MAF: variants seen among roughly 807,000 people sequenced by gnomAD.
MAF encodes transcription factor Maf.
A neutral mutation model predicts 22.0 loss-of-function variants in MAF; 10 were observed. That is an observed-to-expected ratio of 0.45 (90% confidence interval 0.28 to 0.77). The LOEUF is 0.77. Among genes scored for constraint, MAF ranks in the 30% least tolerant of loss-of-function variants. The probability of loss-of-function intolerance (pLI) is 0.12; values close to 1 mark genes in which losing one functional copy is unlikely to be tolerated. For missense variants in MAF, 544 were observed against 548.4 expected (o/e 0.99, Z 0.08); for synonymous variants, 337 against 255.8 (o/e 1.32, Z -3.03).
chr16:79,401,566 G>C, the MAF span, among the ~76,000 whole-genome samples: 2 of 151,908 alleles, frequency 1.3e-5, no homozygotes, highest in African/African-American at 4.8e-5. Flanking sequence ...AGCCAGTCTG[G>C]GACATTAAAT....
the MAF span, among the ~76,000 whole-genome samples, chr16:79,331,545 C>T: frequency 6.6e-6 from 1 of 152,168 alleles, no homozygotes; most frequent in Non-Finnish European, 1.5e-5. Context: ...CCAAGACATC[C>T]ACCGCTCTTC....
chr16:79,229,986 G>C, the MAF span, among the ~76,000 whole-genome samples: 4 of 150,264 alleles, frequency 2.7e-5, no homozygotes, highest in Non-Finnish European at 5.9e-5. Flanking sequence ...TCAATTTGCA[G>C]GATAGTTGCT....
At chr16:79,230,283 G>C in the MAF span, among the ~76,000 whole-genome samples, 3 of 152,110 alleles carry the variant, frequency 2.0e-5, no homozygotes, top group Non-Finnish European at 4.4e-5. Flanking sequence ...ACCCGGCTAA[G>C]GCAGGCTGCT....
chr16:79,545,995 C>T, the MAF span, among the ~76,000 whole-genome samples: 2 of 151,888 alleles, frequency 1.3e-5, no homozygotes, highest in African/African-American at 2.4e-5. Flanking sequence ...TGTAAACATA[C>T]TTTAAAACAT....
At chr16:79,244,431 CAGAG>C in the MAF span, among the ~76,000 whole-genome samples, 1 of 151,974 alleles carries the variant, frequency 6.6e-6, no homozygotes, top group African/African-American at 2.4e-5. Flanking sequence ...AATAGACAAA[CAGAG>C]AGCCAAATCA....
the MAF span, among the ~76,000 whole-genome samples, chr16:79,479,257 T>C: frequency 1.9e-3 from 287 of 152,368 alleles, 2 homozygotes; most frequent in South Asian, 3.3e-3. Flanking sequence ...CATACCTTTG[T>C]ACCATCATAC....
At chr16:79,558,550 C>T in the MAF span, among the ~76,000 whole-genome samples, 1 of 152,154 alleles carries the variant, frequency 6.6e-6, no homozygotes, top group African/African-American at 2.4e-5. Context: ...GGAAGATTGG[C>T]ATCAGACTTT....
At chr16:79,417,900 G>C in the MAF span, among the ~76,000 whole-genome samples, 6 of 152,130 alleles carry the variant, frequency 3.9e-5, no homozygotes, top group Non-Finnish European at 5.9e-5. Flanking sequence ...GCCTGGAAAT[G>C]GGAATTCTTA....
chr16:79,227,138 G>A, the MAF span, among the ~76,000 whole-genome samples: 14 of 152,202 alleles, frequency 9.2e-5, no homozygotes. Context: ...AGGAGTTTGA[G>A]ATGAGCCTGG....
chr16:79,409,507 C>T, the MAF span, among the ~76,000 whole-genome samples: 1 of 152,204 alleles, frequency 6.6e-6, no homozygotes, highest in Non-Finnish European at 1.5e-5. Flanking sequence ...CCAGCATTTC[C>T]CATGACAGGA....
the MAF span, among the ~76,000 whole-genome samples, chr16:79,336,302 G>A: frequency 6.6e-6 from 1 of 152,218 alleles, no homozygotes; most frequent in Non-Finnish European, 1.5e-5. Flanking sequence ...AGGGAATACT[G>A]TTATGATCAT....
chr16:79,251,708 A>G, the MAF span, among the ~76,000 whole-genome samples: 18 of 152,228 alleles, frequency 1.2e-4, no homozygotes, highest in African/African-American at 4.3e-4. Flanking sequence ...GCCGTCCCTC[A>G]GTGCAATCCC....
chr16:79,496,624 T>A, the MAF span, among the ~76,000 whole-genome samples: 2 of 152,206 alleles, frequency 1.3e-5, no homozygotes, highest in African/African-American at 2.4e-5. Context: ...GAATTCCATA[T>A]GGATATAGTT....
chr16:79,493,338 C>G, the MAF span, among the ~76,000 whole-genome samples: 2 of 152,056 alleles, frequency 1.3e-5, no homozygotes, highest in African/African-American at 2.4e-5. Context: ...CCTGCCACCA[C>G]GCCCAGCTAA....
the MAF span, among the ~76,000 whole-genome samples, chr16:79,472,227 T>A: frequency 6.6e-6 from 1 of 152,178 alleles, no homozygotes; most frequent in East Asian, 1.9e-4. Context: ...AGGGCTAAAT[T>A]GACAAAATGC....
the MAF span, among the ~76,000 whole-genome samples, chr16:79,396,760 C>T: frequency 2.0e-5 from 3 of 152,250 alleles, no homozygotes; most frequent in Non-Finnish European, 2.9e-5. Context: ...TACCCAGACA[C>T]TCTAATTTAT....
the MAF span, among the ~76,000 whole-genome samples, chr16:79,309,310 T>C: frequency 1.1e-4 from 17 of 152,334 alleles, no homozygotes; most frequent in Admixed American, 5.9e-4. Flanking sequence ...ATTGCCTTTA[T>C]TGGCTATTTG....
At chr16:79,363,777 T>A in the MAF span, among the ~76,000 whole-genome samples, 1 of 152,088 alleles carries the variant, frequency 6.6e-6, no homozygotes, top group Non-Finnish European at 1.5e-5. Context: ...TGGTAAGAGT[T>A]GTAAAGGATC....
chr16:79,314,841 G>A, the MAF span, among the ~76,000 whole-genome samples: 1 of 152,266 alleles, frequency 6.6e-6, no homozygotes, highest in African/African-American at 2.4e-5. Flanking sequence ...AGGGACATGA[G>A]CCTCCCTGAG....
Sources: gnomAD v4.1 joint callset for allele counts (sites outside exome capture counted in the v4.1 genomes callset) on GRCh38, gnomAD v4.1.1 for gene constraint, MANE v1.5 for transcripts, NCBI Gene and HGNC (gene_info 2026-07-23, HGNC 2026-07-21) for gene names.